The following BANK1 variants were observed in gnomAD, a reference collection of about 807,000 sequenced individuals.
The protein encoded by BANK1 is B-cell scaffold protein with ankyrin repeats.
A neutral mutation model predicts 94.5 loss-of-function variants in BANK1; 95 were observed. The observed-to-expected ratio is 1.00, with a 90% CI of 0.85 to 1.19. The LOEUF (loss-of-function observed/expected upper bound fraction) is 1.19. Ranked by LOEUF, BANK1 falls within the 50% of genes most tolerant of loss-of-function variation. The pLI is 0.00. For missense variants in BANK1, 987 were observed against 932.2 expected (o/e 1.06, Z -0.77); for synonymous variants, 334 against 308.4 (o/e 1.08, Z -0.87).
chr4:101,897,028 C>T (rs146477294), intron 6 of BANK1, among the ~76,000 whole-genome samples: 2 of 152,008 alleles, frequency 1.3e-5, no homozygotes, highest in East Asian at 3.9e-4. Flanking sequence ...CAGGTTAGTT[C>T]TATTTGGAAA....
At chr4:102,066,973 A>G (rs1292438758) in intron 13 of BANK1, among the ~76,000 whole-genome samples, 1 of 152,154 alleles carries the variant, frequency 6.6e-6, no homozygotes, top group Non-Finnish European at 1.5e-5. Context: ...GTTACGTGGT[A>G]AAGTTTAAAG....
At position 101,866,663 on chromosome 4, in the gene BANK1, GGGTAT is replaced by G. The variant is rs1436987099; in HGVS notation, c.764-3841_764-3837del. Among the ~76,000 whole-genome samples the G allele has an allele frequency of 3.2e-4, 16 of 49,568 alleles. 4 individuals carry two copies. The highest frequency in any genetic ancestry group is 8.6e-4 in the African/African-American group (6 of 6,992). 32.5% of individuals were successfully genotyped at this position (49,568 alleles called of 152,430 possible). ...CATTTGACCCAGCCATCCCATTACT[GGGTAT>G]ATACCCAAAGGACTATAAATCATGC... On this transcript the variant is annotated intron_variant, in intron 4 of 16. Coordinates refer to ENST00000322953, the MANE Select transcript of BANK1 (RefSeq NM_017935.5).
At chr4:102,061,734 T>G (rs1253328007) in intron 12 of BANK1, 1 of 138,298 alleles carries the variant, frequency 7.2e-6, no homozygotes, top group Non-Finnish European at 1.6e-5. Flanking sequence ...TCTATTTTGT[T>G]TGTATATTTA....
chr4:102,046,535 CTTGG>C (rs1727884626), intron 11 of BANK1, among the ~76,000 whole-genome samples: 1 of 152,100 alleles, frequency 6.6e-6, no homozygotes, highest in African/African-American at 2.4e-5. Flanking sequence ...TGGAACCTAA[CTTGG>C]TAGGAGTGGC....
chr4:101,930,710 G>GT (rs1281174180), intron 7 of BANK1, among the ~76,000 whole-genome samples: 1 of 151,520 alleles, frequency 6.6e-6, no homozygotes, highest in Admixed American at 6.6e-5. Flanking sequence ...AGCACAGAGT[G>GT]TTTAAGTTCT....
intron 7 of BANK1, among the ~76,000 whole-genome samples, chr4:101,964,915 C>T (rs1724695553): frequency 8.7e-6 from 1 of 114,308 alleles, no homozygotes; most frequent in East Asian, 3.0e-4. Flanking sequence ...TCCCTCCCCC[C>T]TCCCCCCGCC....
chr4:101,807,511 T>C (rs1725596848), intron 1 of BANK1, among the ~76,000 whole-genome samples: 1 of 152,100 alleles, frequency 6.6e-6, no homozygotes. Context: ...AAACTGACTT[T>C]CTCCCTCTGT....
chr4:101,865,086 G>C (rs1334674116), intron 4 of BANK1, among the ~76,000 whole-genome samples: 1 of 152,094 alleles, frequency 6.6e-6, no homozygotes, highest in Non-Finnish European at 1.5e-5. Flanking sequence ...AGGTCAGAAA[G>C]ACCTTGCTTC....
intron 7 of BANK1, among the ~76,000 whole-genome samples, chr4:101,948,948 T>G (rs1324346442): frequency 1.3e-5 from 2 of 152,138 alleles, no homozygotes; most frequent in African/African-American, 4.8e-5. Context: ...ATTTTTATTT[T>G]TATGAATTTC....
chr4:102,058,814 A>T (rs958510394), intron 11 of BANK1, among the ~76,000 whole-genome samples: 48 of 151,676 alleles, frequency 3.2e-4, no homozygotes, highest in African/African-American at 1.1e-3. Context: ...AAAAGTAAAA[A>T]AAAAATAATA....
intron 6 of BANK1, among the ~76,000 whole-genome samples, chr4:101,914,930 G>T (rs78163553): frequency 0.026 from 3,923 of 152,234 alleles, 180 homozygotes; most frequent in African/African-American, 0.091. Flanking sequence ...CAGGACATTT[G>T]TTTACAGTTT....
intron 1 of BANK1, among the ~76,000 whole-genome samples, chr4:101,822,229 G>A (rs1266649994): frequency 5.9e-5 from 9 of 151,932 alleles, no homozygotes; most frequent in Admixed American, 3.3e-4. Flanking sequence ...AATTAACTTG[G>A]CATGGTGGTG....
chr4:101,947,190 T>A (rs889416867), intron 7 of BANK1, among the ~76,000 whole-genome samples: 1 of 150,858 alleles, frequency 6.6e-6, no homozygotes, highest in Non-Finnish European at 1.5e-5. Flanking sequence ...GTTTTACATT[T>A]TCTCAAATGT....
At chr4:101,870,297 TAA>T (rs1419735367) in intron 4 of BANK1, among the ~76,000 whole-genome samples, 1 of 152,034 alleles carries the variant, frequency 6.6e-6, no homozygotes, top group African/African-American at 2.4e-5. Flanking sequence ...TTTTATATTT[TAA>T]GTTTATTTTT....
intron 2 of BANK1, among the ~76,000 whole-genome samples, chr4:101,843,109 G>A (rs753989686): frequency 6.6e-6 from 1 of 152,122 alleles, no homozygotes; most frequent in Non-Finnish European, 1.5e-5. Flanking sequence ...ACAGAAAAAT[G>A]TATTTCCTTT....
At chr4:101,860,726 C>A (rs1234351914) in intron 3 of BANK1, among the ~76,000 whole-genome samples, 3 of 152,140 alleles carry the variant, frequency 2.0e-5, no homozygotes, top group African/African-American at 7.2e-5. Flanking sequence ...CCACCGCACC[C>A]GGCCCTGAGT....
At chr4:101,840,070 G>A (rs1435796839) in intron 2 of BANK1, among the ~76,000 whole-genome samples, 6 of 132,056 alleles carry the variant, frequency 4.5e-5, no homozygotes, top group Non-Finnish European at 7.9e-5. Flanking sequence ...CCGGGTTCAC[G>A]CCATTCTCCT....
intron 12 of BANK1, chr4:102,062,513 C>T (rs1175597040): frequency 6.6e-6 from 1 of 152,142 alleles, no homozygotes; most frequent in Non-Finnish European, 1.5e-5. Context: ...TTACATTTTG[C>T]TTAAAAAGAT....
At chr4:101,958,945 T>C (rs567245824) in intron 7 of BANK1, among the ~76,000 whole-genome samples, 10 of 152,290 alleles carry the variant, frequency 6.6e-5, no homozygotes, top group South Asian at 6.2e-4. Flanking sequence ...TTTACGTGTG[T>C]TGATAATTTC....
Sources: gnomAD v4.1 joint callset for allele counts (sites outside exome capture counted in the v4.1 genomes callset) on GRCh38, gnomAD v4.1.1 for gene constraint, MANE v1.5 for transcripts, NCBI Gene and HGNC (gene_info 2026-07-23, HGNC 2026-07-21) for gene names.